PDSS2: variants seen among roughly 807,000 people sequenced by gnomAD.
PDSS2 encodes the protein decaprenyl diphosphate synthase subunit 2.
Under a neutral mutation model 44.5 loss-of-function variants are expected in PDSS2, and 31 were observed. The ratio of observed to expected loss-of-function variants is 0.70; its 90% CI spans 0.52 to 0.94. The LOEUF is 0.94. Among genes scored for constraint, PDSS2 ranks in the 40% least tolerant of loss-of-function variants. The pLI, the probability that PDSS2 is intolerant of heterozygous loss-of-function variation, is 0.00. For missense variants in PDSS2, 452 were observed against 482.2 expected, an observed-to-expected ratio of 0.94 and a Z score of 0.59; for synonymous variants, 157 against 180.3, an observed-to-expected ratio of 0.87 and a Z score of 1.03.
intron 1 of PDSS2, among the ~76,000 whole-genome samples, chr6:107,405,975 T>C (rs1256879650): frequency 6.6e-6 from 1 of 152,116 alleles, no homozygotes; most frequent in Admixed American, 6.5e-5. Flanking sequence ...GTGATGGTTA[T>C]ACCAAAAGCC....
At chr6:107,396,027 A>G (rs976410941) in intron 1 of PDSS2, among the ~76,000 whole-genome samples, 1 of 152,162 alleles carries the variant, frequency 6.6e-6, no homozygotes, top group African/African-American at 2.4e-5. Context: ...TATCTCCCCC[A>G]AAGAACCCAC....
intron 4 of PDSS2, among the ~76,000 whole-genome samples, chr6:107,216,942 T>A (rs899146914): frequency 6.6e-6 from 1 of 152,168 alleles, no homozygotes; most frequent in Non-Finnish European, 1.5e-5. Context: ...AAACTATATA[T>A]AGGGATTTGC....
At chr6:107,341,688 G>A (rs1009450667) in intron 1 of PDSS2, among the ~76,000 whole-genome samples, 11 of 152,100 alleles carry the variant, frequency 7.2e-5, no homozygotes, top group Non-Finnish European at 1.0e-4. Context: ...GTATACACAC[G>A]CACAATGGAG....
intron 7 of PDSS2, among the ~76,000 whole-genome samples, chr6:107,172,279 A>G (rs1771607105): frequency 6.6e-6 from 1 of 152,214 alleles, no homozygotes; most frequent in South Asian, 2.1e-4. Context: ...TGTAGTTCAA[A>G]AGTTCTAAAA....
chr6:107,219,058 C>CA lies in PDSS2; in HGVS notation c.703-6777dup, dbSNP rs1314757409. ...GGGTGACAAGAGTGAAACTCTGTCT[C>CA]AAAAAAAAAAAAAATTAATTAAAAA... On this transcript the variant is annotated intron_variant, in intron 4 of 7. Transcript: ENST00000369037. Among the ~76,000 whole-genome samples the CA allele has an allele frequency of 6.3e-3, 747 of 119,020 alleles. 3 individuals carry two copies. The highest frequency in any genetic ancestry group is 0.017 in the African/African-American group (540 of 32,378). 78.1% of individuals were successfully genotyped at this position (119,020 alleles called of 152,430 possible).
chr6:107,344,160 C>A (rs536028881), intron 1 of PDSS2, among the ~76,000 whole-genome samples: 14 of 151,864 alleles, frequency 9.2e-5, no homozygotes, highest in Non-Finnish European at 2.9e-5. Flanking sequence ...GACACAGGAC[C>A]AAAGTTTAAA....
chr6:107,208,285 CTTTTTTTTTTTTTTTT>C (rs1164014672), intron 6 of PDSS2, among the ~76,000 whole-genome samples: 159 of 53,300 alleles, frequency 3.0e-3, no homozygotes, highest in Non-Finnish European at 4.1e-3. Context: ...CATGCCTGGC[CTTTTTTTTTTTTTTTT>C]TTTTTTTTTT....
intron 1 of PDSS2, 55 bp downstream of exon 1, chr6:107,458,935 G>A: frequency 5.8e-6 from 9 of 1,549,514 alleles, no homozygotes; most frequent in South Asian, 1.1e-5. Flanking sequence ...ATGCCCGCCA[G>A]AAAAAAAAGT....
At chr6:107,272,048 C>A (rs1337039675) in intron 3 of PDSS2, among the ~76,000 whole-genome samples, 3 of 149,560 alleles carry the variant, frequency 2.0e-5, no homozygotes, top group Non-Finnish European at 1.5e-5. Context: ...CAGAGTAAGA[C>A]CCTGTCTCAA....
rs1255617475 is a variant in PDSS2 at position 107,397,790 on chromosome 6, C to T, written c.296+61200G>A. ...AATTAGAATTGTGGAAAACTTGTAT[C>T]AGCCACTATAAACTTGACAGCTTTT... On this transcript the variant is annotated intron_variant, in intron 1 of 7. Transcript: ENST00000369037. 2.0e-5 allele frequency among the ~76,000 whole-genome samples: 3 copies of T among 152,278 alleles called. No homozygotes were observed. The East Asian group carries it at 5.8e-4, about 29-fold the overall frequency.
At chr6:107,307,925 CT>C (rs1305134434) in intron 2 of PDSS2, among the ~76,000 whole-genome samples, 2 of 152,122 alleles carry the variant, frequency 1.3e-5, no homozygotes, top group Non-Finnish European at 2.9e-5. Context: ...TGTAAGTAAG[CT>C]TTGAAGATAG....
At chr6:107,452,218 GT>G (rs1781889999) in intron 1 of PDSS2, among the ~76,000 whole-genome samples, 1 of 150,404 alleles carries the variant, frequency 6.6e-6, no homozygotes. Context: ...TAATTGTATT[GT>G]TTGCTTTCTT....
chr6:107,245,272 T>C (rs967780114), intron 4 of PDSS2, among the ~76,000 whole-genome samples: 4 of 152,108 alleles, frequency 2.6e-5, no homozygotes, highest in Non-Finnish European at 5.9e-5. Context: ...CACTGCTACC[T>C]GCTAGCCAGA....
In PDSS2 at chr6:107,153,391, A is replaced by C. The variant is rs1340821937; in HGVS notation, c.*1228T>G. 1.3e-5 allele frequency: 2 copies of C among 152,612 alleles called. No homozygotes were observed. The highest frequency in any genetic ancestry group is 2.9e-5 in the Non-Finnish European group (2 of 68,036). 9.5% of individuals were successfully genotyped at this position (152,612 alleles called of 1,614,324 possible). A position where few individuals can be genotyped will look rare whatever the true frequency, so the allele number is the denominator to read the frequency against. ...GTGAGATTGCTTATATTCTTTCTGT[A>C]ATTGGATGTCTGTGGTTCAAGACCA... On this transcript the variant is annotated 3_prime_UTR_variant, in exon 8 of 8. Transcript: ENST00000369037.
intron 6 of PDSS2, among the ~76,000 whole-genome samples, chr6:107,202,380 G>C (rs770049661): frequency 6.6e-6 from 1 of 150,690 alleles, no homozygotes; most frequent in Non-Finnish European, 1.5e-5. Flanking sequence ...GGCCATCTCT[G>C]CAAAAAAAAA....
chr6:107,338,180 A>G (rs906613791), intron 1 of PDSS2, among the ~76,000 whole-genome samples: 2 of 152,182 alleles, frequency 1.3e-5, no homozygotes, highest in African/African-American at 4.8e-5. Context: ...GCAAATAAAA[A>G]ACAAACAAAC....
chr6:107,169,259 C>A (rs1771473988), intron 7 of PDSS2, among the ~76,000 whole-genome samples: 1 of 152,098 alleles, frequency 6.6e-6, no homozygotes, highest in Non-Finnish European at 1.5e-5. Context: ...CTTTCTTCCA[C>A]TTGATCGAGT....
chr6:107,212,342 T>C lies in PDSS2; in HGVS notation c.703-60A>G, dbSNP rs1160368734. On this transcript the variant is annotated intron_variant, in intron 4 of 7. Transcript: ENST00000369037. ...TTTAGGAGTAATTTAATTGTTTCTG[T>C]TTTTGAAGAATAAAAAAGTTAAGAA... 21 of 1,364,100 alleles carry C rather than the reference T, an allele frequency of 1.5e-5. No individual in the cohort carries two copies. The South Asian group carries it at 2.3e-4, about 15-fold the overall frequency. The allele number at this position is 1,364,100 out of a possible 1,614,324, so 84.5% of individuals were successfully genotyped here. A position where few individuals can be genotyped will look rare whatever the true frequency, so the allele number is the denominator to read the frequency against.
chr6:107,267,211 C>CTA (rs1369013701), intron 3 of PDSS2, among the ~76,000 whole-genome samples: 1 of 152,186 alleles, frequency 6.6e-6, no homozygotes, highest in Non-Finnish European at 1.5e-5. Context: ...GACCTAGGTA[C>CTA]TATCAAGGTC....
Sources: gnomAD v4.1 joint callset for allele counts (sites outside exome capture counted in the v4.1 genomes callset) on GRCh38, gnomAD v4.1.1 for gene constraint, MANE v1.5 for transcripts, NCBI Gene and HGNC (gene_info 2026-07-23, HGNC 2026-07-21) for gene names.